HEATR5B: variants seen among roughly 807,000 people sequenced by gnomAD.
HEATR5B encodes HEAT repeat-containing protein 5B.
Under a neutral mutation model 224.1 loss-of-function variants are expected in HEATR5B, and 156 were observed. That is an observed-to-expected ratio of 0.70 (90% CI 0.61 to 0.80). HEATR5B has a LOEUF of 0.80. Ranked by LOEUF, HEATR5B falls within the 30% of genes least tolerant of loss-of-function variation. The probability of loss-of-function intolerance (pLI) is 0.00; values close to 1 mark genes in which losing one functional copy is unlikely to be tolerated. For missense variants in HEATR5B, 2,323 were observed against 2,535.5 expected (o/e 0.92, Z 1.80); for synonymous variants, 1,027 against 893.0 (o/e 1.15, Z -2.68).
chr2:37,035,115 C>T (rs757760532), intron 21 of HEATR5B, among the ~76,000 whole-genome samples: 2 of 152,148 alleles, frequency 1.3e-5, no homozygotes, highest in South Asian at 4.1e-4. Flanking sequence ...GTAACAATTA[C>T]AGAGAATTGT....
At chr2:37,012,793 T>A (rs778448804) in intron 27 of HEATR5B, among the ~76,000 whole-genome samples, 8 of 152,216 alleles carry the variant, frequency 5.3e-5, no homozygotes, top group Non-Finnish European at 7.3e-5. Flanking sequence ...CTCTCATGCC[T>A]AACTGATACC....
At chr2:36,982,442 G>A (rs562015271) in intron 35 of HEATR5B, among the ~76,000 whole-genome samples, 6 of 152,104 alleles carry the variant, frequency 3.9e-5, no homozygotes, top group African/African-American at 1.2e-4. Context: ...ACTCCATCCT[G>A]GGATATAAGT....
intron 2 of HEATR5B, among the ~76,000 whole-genome samples, chr2:37,082,052 CTTTT>C (rs61036576): frequency 3.3e-3 from 78 of 23,914 alleles, no homozygotes; most frequent in South Asian, 0.013. Context: ...GAAGTATCTA[CTTTT>C]TTTTTTTTTT....
At chr2:37,062,601 C>A (rs1383689678) in intron 10 of HEATR5B, among the ~76,000 whole-genome samples, 1 of 152,204 alleles carries the variant, frequency 6.6e-6, no homozygotes, top group African/African-American at 2.4e-5. Context: ...CTCGCATTCT[C>A]ATTTAGCACT....
At position 37,070,218 on chromosome 2, in the gene HEATR5B, C is replaced by T. The variant is rs767081848; in HGVS notation, c.927+12G>A. The T allele has an allele frequency of 2.2e-5, 35 of 1,613,468 alleles. No individual in the cohort carries two copies. Among genetic ancestry groups the T allele is most frequent in the South Asian group, 5.5e-5 (5 of 91,068 alleles). On this transcript the variant is annotated intron_variant, in intron 7 of 35. Transcript: ENST00000233099. Reference sequence around the variant, plus strand: ...CCTGGCCAAAATTCTTTCACACATACGTGTTACAAACCTGCGTAACTCCAA... The same window carrying T: ...CCTGGCCAAAATTCTTTCACACATATGTGTTACAAACCTGCGTAACTCCAA...
At chr2:37,003,867 C>G (rs1667248210) in intron 30 of HEATR5B, among the ~76,000 whole-genome samples, 181 bp from the exon 31 acceptor site, 1 of 152,156 alleles carries the variant, frequency 6.6e-6, no homozygotes, top group South Asian at 2.1e-4. Context: ...CATTTTACTC[C>G]TATGTATTTT....
In HEATR5B at chr2:37,069,063, T is replaced by C. The variant is rs577735010; in HGVS notation, c.928-133A>G. The C allele has an allele frequency of 1.8e-4, 167 of 944,074 alleles. No individual in the cohort carries two copies. In the African/African-American group the frequency reaches 2.6e-3, roughly 15 times the overall value. The allele number at this position is 944,074 out of a possible 1,614,324, so 58.5% of individuals were successfully genotyped here. On this transcript the variant is annotated intron_variant, in intron 7 of 35. Coordinates refer to ENST00000233099, the MANE Select transcript of HEATR5B (RefSeq NM_019024.3). ...ATTTGAGGCTAAAACAGAGAAAATT[T>C]AAACTTGAGGTCTTTTTACTACTTC...
intron 26 of HEATR5B, among the ~76,000 whole-genome samples, chr2:37,019,007 C>T (rs1276271537): frequency 6.6e-6 from 1 of 151,846 alleles, no homozygotes; most frequent in Non-Finnish European, 1.5e-5. Flanking sequence ...TAAAAACACA[C>T]AAATTAGCTG....
intron 10 of HEATR5B, among the ~76,000 whole-genome samples, chr2:37,063,384 A>G (rs1671400831): frequency 6.6e-6 from 1 of 152,176 alleles, no homozygotes; most frequent in South Asian, 2.1e-4. Flanking sequence ...AGCAACAGGA[A>G]ATTTGAATGA....
intron 33 of HEATR5B, among the ~76,000 whole-genome samples, chr2:36,995,087 G>GTTTTTTTTTTTGT: frequency 9.6e-6 from 1 of 104,130 alleles, no homozygotes; most frequent in African/African-American, 4.1e-5. Flanking sequence ...GTTATTCCTT[G>GTTTTTTTTTTTGT]TTTTTTTTTT....
intron 34 of HEATR5B, 41 bp downstream of exon 34, chr2:36,990,607 G>A: frequency 6.8e-7 from 1 of 1,463,868 alleles, no homozygotes; most frequent in East Asian, 2.4e-5. Context: ...TCCTGATAAA[G>A]GGAAATGTTT....
At chr2:37,028,583 T>G (rs1417543542) in intron 23 of HEATR5B, 98 bp downstream of exon 23, 3 of 881,684 alleles carry the variant, frequency 3.4e-6, no homozygotes, top group African/African-American at 3.4e-5. Flanking sequence ...AAATAAAACC[T>G]ATAATTTACA....
At chr2:37,009,684 T>G (rs1424268869) in intron 27 of HEATR5B, among the ~76,000 whole-genome samples, 1 of 152,130 alleles carries the variant, frequency 6.6e-6, no homozygotes, top group Non-Finnish European at 1.5e-5. Flanking sequence ...TGATCTGACT[T>G]CTGACTATTC....
intron 24 of HEATR5B, among the ~76,000 whole-genome samples, chr2:37,023,015 T>C (rs1468852068): frequency 1.3e-5 from 2 of 151,988 alleles, no homozygotes; most frequent in Non-Finnish European, 2.9e-5. Context: ...ATGAAAAAGA[T>C]AAGATAATTA....
At chr2:37,053,449 A>C in intron 17 of HEATR5B, 53 bp downstream of exon 17, 14 of 930,180 alleles carry the variant, frequency 1.5e-5, no homozygotes, top group Non-Finnish European at 2.3e-5. Flanking sequence ...CTGGCTTATT[A>C]AATGCATTAA....
chr2:37,019,032 C>T (rs926775676), intron 26 of HEATR5B, among the ~76,000 whole-genome samples: 17 of 151,934 alleles, frequency 1.1e-4, no homozygotes, highest in African/African-American at 3.1e-4. Flanking sequence ...TGGTGGCGGG[C>T]ACCTAATCCC....
intron 5 of HEATR5B, among the ~76,000 whole-genome samples, chr2:37,073,570 G>T (rs554530552): frequency 6.6e-6 from 1 of 152,216 alleles, no homozygotes; most frequent in East Asian, 1.9e-4. Flanking sequence ...TAGAATTCAT[G>T]ATTTTAGTCA....
chr2:37,048,414 G>C (rs1427812964), intron 18 of HEATR5B, among the ~76,000 whole-genome samples: 3 of 151,732 alleles, frequency 2.0e-5, no homozygotes, highest in Non-Finnish European at 4.4e-5. Context: ...AGAATTCTTG[G>C]GCTCAAGTGA....
chr2:37,051,865 C>A (rs921065201), intron 17 of HEATR5B, among the ~76,000 whole-genome samples: 10 of 151,984 alleles, frequency 6.6e-5, no homozygotes, highest in African/African-American at 2.4e-4. Context: ...TCAGCCTCCC[C>A]AGTAGCTGGG....
Sources: allele counts gnomAD v4.1 joint callset (sites outside exome capture counted in the v4.1 genomes callset), GRCh38; gene constraint gnomAD v4.1.1; transcripts MANE v1.5; gene names NCBI Gene and HGNC (gene_info 2026-07-23, HGNC 2026-07-21).